The following UBAP2 variants were observed in gnomAD, a reference collection of about 807,000 sequenced individuals.
The protein encoded by UBAP2 is ubiquitin associated protein 2.
Under a neutral mutation model 139.6 loss-of-function variants are expected in UBAP2, and 75 were observed. The observed-to-expected ratio is 0.54, with a 90% confidence interval of 0.45 to 0.65. The LOEUF is 0.65. Ranked by LOEUF, UBAP2 falls within the 30% of genes least tolerant of loss-of-function variation. The pLI is 0.00. For missense variants in UBAP2, 1,368 were observed against 1,369.6 expected, an observed-to-expected ratio of 1.00 and a Z score of 0.02; for synonymous variants, 526 against 526.2, an observed-to-expected ratio of 1.00 and a Z score of 0.01.
intron 16 of UBAP2, among the ~76,000 whole-genome samples, chr9:33,936,555 A>C (rs1174880737): frequency 6.6e-6 from 1 of 152,064 alleles, no homozygotes; most frequent in Non-Finnish European, 1.5e-5. Flanking sequence ...CAGCCTCCCA[A>C]AATGTTGGGA....
intron 1 of UBAP2, among the ~76,000 whole-genome samples, chr9:34,047,937 C>A (rs1019585187): frequency 6.6e-6 from 1 of 152,110 alleles, no homozygotes; most frequent in Non-Finnish European, 1.5e-5. Flanking sequence ...AAAACAATAT[C>A]CAATAGAAGT....
chr9:34,015,667 A>G (rs984996855), intron 2 of UBAP2, among the ~76,000 whole-genome samples: 2 of 151,758 alleles, frequency 1.3e-5, no homozygotes, highest in African/African-American at 4.8e-5. Context: ...CTAAGATTCA[A>G]GCACTCTTCC....
chr9:33,935,193 T>A, intron 17 of UBAP2: 1 of 138,398 alleles, frequency 7.2e-6, no homozygotes, highest in Middle Eastern at 4.3e-3. Context: ...TTCTCCCAAA[T>A]GTCCACAGTG....
At chr9:33,957,960 T>C (rs1241634020) in intron 10 of UBAP2, among the ~76,000 whole-genome samples, 2 of 152,154 alleles carry the variant, frequency 1.3e-5, no homozygotes, top group African/African-American at 4.8e-5. Flanking sequence ...AGGGTTTTTT[T>C]TTCTTTTTTG....
intron 8 of UBAP2, among the ~76,000 whole-genome samples, chr9:33,969,360 A>G (rs1827718754): frequency 6.6e-6 from 1 of 152,134 alleles, no homozygotes; most frequent in Non-Finnish European, 1.5e-5. Context: ...CAGCTTCCAC[A>G]ACAATGCAAA....
At chr9:33,931,031 A>C (rs1823935775) in intron 19 of UBAP2, among the ~76,000 whole-genome samples, 1 of 152,128 alleles carries the variant, frequency 6.6e-6, no homozygotes, top group Admixed American at 6.6e-5. Context: ...AGACAGAAAA[A>C]CTTTTCATTG....
intron 1 of UBAP2, among the ~76,000 whole-genome samples, chr9:34,047,683 G>C (rs1366329042): frequency 6.6e-6 from 1 of 152,154 alleles, no homozygotes; most frequent in Non-Finnish European, 1.5e-5. Context: ...ATGGAGACCT[G>C]AAAAAACCCT....
chr9:33,952,201 G>A (rs1826158227), intron 12 of UBAP2, among the ~76,000 whole-genome samples: 1 of 152,238 alleles, frequency 6.6e-6, no homozygotes, highest in South Asian at 2.1e-4. Flanking sequence ...AGTAAGAGCT[G>A]TAGTTCTGCA....
At chr9:34,014,809 C>A (rs1006664778) in intron 2 of UBAP2, among the ~76,000 whole-genome samples, 1 of 147,192 alleles carries the variant, frequency 6.8e-6, no homozygotes, top group Non-Finnish European at 1.5e-5. Context: ...ATTAAGCAAA[C>A]TTTTTCCTAA....
intron 22 of UBAP2, 29 bp from the exon 23 acceptor site, chr9:33,924,313 C>T (rs370437095): frequency 2.2e-5 from 35 of 1,602,304 alleles, no homozygotes; most frequent in African/African-American, 1.6e-4. Context: ...GCTTGATCAG[C>T]GACTGGCCCT....
chr9:34,014,182 C>G (rs1824029604), intron 2 of UBAP2, among the ~76,000 whole-genome samples: 1 of 151,676 alleles, frequency 6.6e-6, no homozygotes, highest in Admixed American at 6.6e-5. Context: ...AAAAAGTTAG[C>G]CGGGCATGGT....
chr9:33,932,530 G>A, intron 19 of UBAP2, 32 bp downstream of exon 19: 1 of 1,612,716 alleles, frequency 6.2e-7, no homozygotes, highest in Non-Finnish European at 8.5e-7. Flanking sequence ...CCCAAGCATG[G>A]CGGAGGAAGA....
At chr9:34,019,608 G>A (rs542552898) in intron 1 of UBAP2, among the ~76,000 whole-genome samples, 40 of 151,688 alleles carry the variant, frequency 2.6e-4, no homozygotes, top group African/African-American at 9.7e-4. Flanking sequence ...GTGGTTGCAC[G>A]ACAATGTAAA....
At chr9:33,933,349 T>A in intron 18 of UBAP2, 141 bp downstream of exon 18, 1 of 1,026,674 alleles carries the variant, frequency 9.7e-7, no homozygotes, top group Non-Finnish European at 1.4e-6. Flanking sequence ...GGCCAAAACC[T>A]AAGCTACAGT....
chr9:33,986,633 G>C, intron 6 of UBAP2, 127 bp downstream of exon 6: 1 of 814,530 alleles, frequency 1.2e-6, no homozygotes, highest in Middle Eastern at 2.3e-4. Context: ...GTAAACAAAT[G>C]ATCAGATTTT....
In UBAP2 at chr9:33,966,514, T is replaced by C. The variant is rs556970949; in HGVS notation, c.680-2723A>G. On this transcript the variant is annotated intron_variant, in intron 8 of 28. Transcript: ENST00000379238. ...GTCAAAAATCTGCTAAGATTTTGAT[T>C]GGAATTGTGCTGAAGCTATCGATCA... Among the ~76,000 whole-genome samples, 3 of 152,250 alleles carry C rather than the reference T, an allele frequency of 2.0e-5. No individual in the cohort carries two copies. In the South Asian group the frequency reaches 6.2e-4, roughly 32 times the overall value.
rs564939811 is a variant in UBAP2, at chr9:33,999,979, A to T, written c.100-1115T>A. On this transcript the variant is annotated intron_variant, in intron 2 of 28. Transcript: ENST00000379238. The stretch of plus-strand genomic sequence containing the variant: ...TTTATTTATTTTGAGATGGAGTCTC[A>T]CTCTGTCGCCCAGGCTGGAGTGCAC... Among the ~76,000 whole-genome samples, 191 of 151,364 alleles carry T rather than the reference A, an allele frequency of 1.3e-3. 1 individual carries two copies. Among genetic ancestry groups the T allele is most frequent in the Non-Finnish European group, 2.0e-3 (136 of 67,892 alleles).
At chr9:33,929,501 G>A (rs1327532872) in intron 19 of UBAP2, among the ~76,000 whole-genome samples, 3 of 152,186 alleles carry the variant, frequency 2.0e-5, no homozygotes, top group Non-Finnish European at 2.9e-5. Flanking sequence ...GTAAAGGCAG[G>A]AGAAGATGCT....
chr9:33,924,970 T>C (rs913894106), intron 22 of UBAP2, among the ~76,000 whole-genome samples: 6 of 152,214 alleles, frequency 3.9e-5, no homozygotes, highest in Non-Finnish European at 5.9e-5. Context: ...CAATTATTCT[T>C]TCAATGTGGC....
Sources: gnomAD v4.1 joint callset for allele counts (sites outside exome capture counted in the v4.1 genomes callset) on GRCh38, gnomAD v4.1.1 for gene constraint, MANE v1.5 for transcripts, NCBI Gene and HGNC (gene_info 2026-07-23, HGNC 2026-07-21) for gene names.